Variants in SAMD4B observed in about 807,000 individuals in gnomAD.
SAMD4B encodes protein Smaug homolog 2.
A neutral mutation model predicts 74.5 loss-of-function variants in SAMD4B; 5 were observed. The ratio of observed to expected loss-of-function variants is 0.07; its 90% CI spans 0.04 to 0.14. The LOEUF is 0.14. Among genes scored for constraint, SAMD4B ranks in the 10% least tolerant of loss-of-function variants. The pLI is 1.00. For missense variants in SAMD4B, 608 were observed against 921.8 expected (o/e 0.66, Z 4.41); for synonymous variants, 373 against 374.9 (o/e 1.00, Z 0.06).
intron 3 of SAMD4B, among the ~76,000 whole-genome samples, chr19:39,364,772 C>A (rs1374907551): frequency 6.6e-6 from 1 of 152,112 alleles, no homozygotes; most frequent in Non-Finnish European, 1.5e-5. Context: ...GGAAAATGAT[C>A]TTTAGATGTG....
Position 39,380,601 on chromosome 19 carries a change from C to T in SAMD4B, c.1664C>T (p.Ser555Phe). 1 of 1,614,186 alleles carries T rather than the reference C, an allele frequency of 6.2e-7. No individual in the cohort carries two copies. The highest frequency in any genetic ancestry group is 1.1e-5 in the South Asian group (1 of 91,090). The stretch of plus-strand genomic sequence containing the variant: ...CTCTCTCATAGCTGGGCATTCGGCT[C>T]CAACTCGCTCCCCATAGCTGGCTCT... ...YRQQKGWAFG[S>F]NSLPIAGSVG... The change falls in exon 11 of 14, where the codon TCC becomes TTC. Residue 555 changes from serine to phenylalanine, a missense_variant. Ser to Phe is a radical substitution (Grantham distance 155, BLOSUM62 -2). This residue lies in a region of SAMD4B where 167 missense variants were observed against 193.0 expected (regional missense o/e 0.87). Coordinates refer to ENST00000610417, the MANE Select transcript of SAMD4B (RefSeq NM_001384574.2).
chr19:39,344,717 C>G (rs1007186401), intron 1 of SAMD4B, among the ~76,000 whole-genome samples: 6 of 152,178 alleles, frequency 3.9e-5, no homozygotes, highest in Non-Finnish European at 8.8e-5. Context: ...TCTCCAGACT[C>G]GTTGCCCAAG....
intron 7 of SAMD4B, 29 bp downstream of exon 7, chr19:39,376,820 G>A: frequency 5.7e-6 from 9 of 1,589,566 alleles, no homozygotes; most frequent in Non-Finnish European, 7.8e-6. Context: ...CATCTTCAAG[G>A]CCAGCCAGCC....
intron 3 of SAMD4B, among the ~76,000 whole-genome samples, chr19:39,365,083 C>CA (rs201463549): frequency 0.034 from 4,994 of 149,054 alleles, 208 homozygotes; most frequent in African/African-American, 0.096. Flanking sequence ...ACTAAAAATA[C>CA]AAAAAAAAAT....
chr19:39,343,183 C>G (rs2075432437), intron 1 of SAMD4B, among the ~76,000 whole-genome samples: 1 of 151,908 alleles, frequency 6.6e-6, no homozygotes, highest in Non-Finnish European at 1.5e-5. Flanking sequence ...CAGAACTCTC[C>G]CCCGGAGCCC....
chr19:39,353,320 ATGTAT>A (rs1415274360), intron 1 of SAMD4B, among the ~76,000 whole-genome samples: 1 of 152,216 alleles, frequency 6.6e-6, no homozygotes, highest in Non-Finnish European at 1.5e-5. Context: ...CAAAAGTAAT[ATGTAT>A]TCACTTGCAA....
At chr19:39,390,711 T>G in the SAMD4B span, 1 of 1,195,278 alleles carries the variant, frequency 8.4e-7, no homozygotes, top group Non-Finnish European at 1.2e-6. Flanking sequence ...TCGTCAAAGG[T>G]GAGCGCTTCA....
rs758480676 is a variant in SAMD4B at position 39,377,671 on chromosome 19, G to A, written c.1291G>A (p.Gly431Ser). ...TGCTGAGCCTCCCCTAGCCCACCCC[G>A]GCACAGACAAAGGCACCGAGGCCAA... ...PGAEPPLAHP[G>S]TDKGTEAKDP... The change falls in exon 8 of 14, where the codon GGC becomes AGC. Residue 431 changes from glycine to serine, a missense_variant. By Grantham distance (56) the Gly-to-Ser change is moderately conservative. Around this residue, in one of 9 missense-constraint regions of SAMD4B, gnomAD observed 99 missense variants for 112.1 expected, o/e 0.88. Coordinates refer to ENST00000610417, the MANE Select transcript of SAMD4B (RefSeq NM_001384574.2). 1.3e-5 allele frequency: 21 copies of A among 1,614,032 alleles called. No individual in the cohort carries two copies. The highest frequency in any genetic ancestry group is 1.6e-4 in the Middle Eastern group (1 of 6,084).
At chr19:39,370,738 G>A (rs1266069147) in intron 4 of SAMD4B, among the ~76,000 whole-genome samples, 1 of 152,216 alleles carries the variant, frequency 6.6e-6, no homozygotes, top group African/African-American at 2.4e-5. Flanking sequence ...CAAAACTCAT[G>A]CTGCAAGGTA....
In SAMD4B at chr19:39,383,326, C is replaced by A. The variant is rs759699998; in HGVS notation, c.2056+35C>A. The A allele has an allele frequency of 1.6e-5, 25 of 1,606,772 alleles. No individual in the cohort carries two copies. The highest frequency in any genetic ancestry group is 6.7e-5 in the Admixed American group (4 of 60,000). ...TCCTCTTTCCCTGACCCAGCTCCCACCTACCCAGCGTCTCTGCCTCTGAAC... is the reference window on the plus strand; with the variant it reads ...TCCTCTTTCCCTGACCCAGCTCCCAACTACCCAGCGTCTCTGCCTCTGAAC... On this transcript the variant is annotated intron_variant, in intron 13 of 13. Transcript: ENST00000610417. This position sits in a 1 kb window ranked among gnomAD's most constrained non-coding sequence, Gnocchi z 4.1.
Position 39,383,696 on chromosome 19 carries a change from G to A in SAMD4B, c.*169G>A, listed in dbSNP as rs930239128. ...TTTGTTTAACATTGGCACATGCCTT[G>A]CTCACTCCCAGGCCCGTCGAGGGAT... On this transcript the variant is annotated 3_prime_UTR_variant, in exon 14 of 14. Transcript: ENST00000610417. The surrounding 1 kb of genome is among the most constrained non-coding windows in gnomAD (Gnocchi z 4.1). The A allele has an allele frequency of 3.9e-6, 6 of 1,543,634 alleles. No individual in the cohort carries two copies. In the Admixed American group the frequency reaches 5.8e-5, roughly 15 times the overall value.
At chr19:39,377,415 T>C in intron 7 of SAMD4B, 70 bp from the exon 8 acceptor site, 1 of 1,348,654 alleles carries the variant, frequency 7.4e-7, no homozygotes, top group Non-Finnish European at 1.0e-6. Context: ...TGTCTGACTC[T>C]CTGTGTAGAT....
chr19:39,375,704 C>T lies in SAMD4B; in HGVS notation c.722C>T (p.Pro241Leu), dbSNP rs1333264648. ...SPLKRSMSLI[P>L]TSPQVPGEWP... is the part of the protein sequence containing the mutation. ...CTGAAGCGCTCCATGTCACTCATCC[C>T]TACAAGCCCCCAGGTCCCTGGTGAG... The change falls in exon 5 of 14, where the codon CCT becomes CTT. Residue 241 changes from proline to leucine, a missense_variant. By Grantham distance (98) the Pro-to-Leu change is moderately conservative. Around this residue, in one of 9 missense-constraint regions of SAMD4B, gnomAD observed 153 missense variants for 153.0 expected, o/e 1.00. Coordinates refer to ENST00000610417, the MANE Select transcript of SAMD4B (RefSeq NM_001384574.2). The surrounding 1 kb of genome is among the most constrained non-coding windows in gnomAD (Gnocchi z 4.1). 1 of 1,613,998 alleles carries T rather than the reference C, an allele frequency of 6.2e-7. No homozygotes were observed. The highest frequency in any genetic ancestry group is 1.3e-5 in the African/African-American group (1 of 74,920).
intron 4 of SAMD4B, among the ~76,000 whole-genome samples, chr19:39,374,569 C>T (rs1437710777): frequency 6.6e-6 from 1 of 152,164 alleles, no homozygotes; most frequent in African/African-American, 2.4e-5. Flanking sequence ...AGGCTGGGCG[C>T]AGTGGCTCAC....
intron 3 of SAMD4B, among the ~76,000 whole-genome samples, chr19:39,362,416 C>T (rs1275326543): frequency 6.6e-6 from 1 of 152,144 alleles, no homozygotes; most frequent in African/African-American, 2.4e-5. Flanking sequence ...TCATCGCTTC[C>T]TCTCAGGCAG....
chr19:39,381,252 C>G (rs2032784560), intron 12 of SAMD4B, 139 bp downstream of exon 12: 14 of 1,030,788 alleles, frequency 1.4e-5, no homozygotes, highest in Non-Finnish European at 1.9e-5. Flanking sequence ...CTGCACCCAT[C>G]TCCCCCAATT....
intron 2 of SAMD4B, among the ~76,000 whole-genome samples, chr19:39,355,245 C>T (rs1255348197): frequency 1.3e-5 from 2 of 152,076 alleles, no homozygotes; most frequent in African/African-American, 2.4e-5. Context: ...CATCTGATTT[C>T]CCCTTTAAAA....
At chr19:39,344,547 C>A (rs1036260176) in intron 1 of SAMD4B, among the ~76,000 whole-genome samples, 5 of 152,146 alleles carry the variant, frequency 3.3e-5, no homozygotes, top group Non-Finnish European at 7.3e-5. Context: ...TTCTGACATC[C>A]CCAAGAAACA....
intron 4 of SAMD4B, among the ~76,000 whole-genome samples, chr19:39,372,989 G>T (rs2077395462): frequency 6.6e-6 from 1 of 152,142 alleles, no homozygotes. Context: ...CCACTGCCTT[G>T]CCCTGTCCCT....
Sources: allele counts gnomAD v4.1 joint callset (sites outside exome capture counted in the v4.1 genomes callset), GRCh38; gene constraint gnomAD v4.1.1; regional missense constraint gnomAD v4.1.1; non-coding constraint Gnocchi (gnomAD v3.1); transcripts MANE v1.5; gene names NCBI Gene and HGNC (gene_info 2026-07-23, HGNC 2026-07-21).